Variants in BRWD1 observed in about 807,000 individuals in gnomAD.
BRWD1 encodes the protein bromodomain and WD repeat domain containing 1, also known as bromodomain and WD repeat-containing protein 1.
BRWD1 carries 82 observed loss-of-function variants against 251.2 expected under a neutral mutation model. That is an observed-to-expected ratio of 0.33 (90% CI 0.27 to 0.39). BRWD1 has a LOEUF of 0.39. Ranked by LOEUF, BRWD1 falls within the 10% of genes least tolerant of loss-of-function variation. BRWD1 has a pLI of 1.00. For synonymous variants in BRWD1, 918 were observed against 902.8 expected (o/e 1.02, Z -0.30); for missense variants, 2,233 against 2,711.6 (o/e 0.82, Z 3.92).
intron 38 of BRWD1, 131 bp from the exon 39 acceptor site, chr21:39,200,517 A>G (rs2032055970): frequency 6.6e-6 from 5 of 760,488 alleles, no homozygotes; most frequent in Non-Finnish European, 9.4e-6. Context: ...TGCTTAGAAT[A>G]TATTTTTTAA....
upstream of BRWD1, chr21:39,314,264 G>C (rs1208186775): frequency 6.6e-6 from 3 of 455,664 alleles, no homozygotes; most frequent in Non-Finnish European, 1.3e-5. Flanking sequence ...CGGAGCGTCT[G>C]CGGCGCTGAA....
intron 23 of BRWD1, chr21:39,235,652 C>A: frequency 4.6e-6 from 1 of 219,480 alleles, no homozygotes; most frequent in Non-Finnish European, 1.0e-5. Flanking sequence ...AATTCTTTCC[C>A]CAAGTCGGCT....
chr21:39,230,800 G>C (rs1231521828), intron 25 of BRWD1, among the ~76,000 whole-genome samples: 2 of 150,884 alleles, frequency 1.3e-5, no homozygotes, highest in Non-Finnish European at 2.9e-5. Context: ...TTTGCAGTGC[G>C]AGAGCTTAAA....
At position 39,264,926 on chromosome 21, in the gene BRWD1, T is replaced by C; in HGVS notation, c.1624A>G (p.Ile542Val). 6.2e-7 allele frequency: 1 copy of C among 1,613,772 alleles called. No homozygotes were observed. The highest frequency in any genetic ancestry group is 8.5e-7 in the Non-Finnish European group (1 of 1,179,928). ...GGTTTGCTGCATCCAAAACCAAATA[T>C]CAGAAGGTGCCCATGAGAATCTGTA... ...ACTDSHGHLL[I>V]FGFGCSKPYE... Residue 542 changes from isoleucine (I) to valine (V), a missense_variant, in exon 16 of 41, where the codon ATA (isoleucine) becomes GTA (valine). By Grantham distance (29) the Ile-to-Val change is conservative. Transcript: ENST00000342449.
At chr21:39,276,094 G>T in intron 12 of BRWD1, 79 bp downstream of exon 12, 1 of 1,184,760 alleles carries the variant, frequency 8.4e-7, no homozygotes, top group South Asian at 2.0e-5. Flanking sequence ...CATACAAAAT[G>T]ACAGGTTAGC....
chr21:39,262,916 T>G (rs1264802306), intron 17 of BRWD1, among the ~76,000 whole-genome samples: 1 of 151,436 alleles, frequency 6.6e-6, no homozygotes, highest in African/African-American at 2.4e-5. Context: ...AAAACATACT[T>G]GACAGCCTGG....
chr21:39,309,217 C>A (rs902188426), intron 4 of BRWD1, among the ~76,000 whole-genome samples: 8 of 151,554 alleles, frequency 5.3e-5, no homozygotes, highest in Non-Finnish European at 8.8e-5. Flanking sequence ...GTGGCTCACA[C>A]CTGTAATTCC....
At chr21:39,270,680 A>T (rs2035070140) in intron 13 of BRWD1, among the ~76,000 whole-genome samples, 1 of 152,224 alleles carries the variant, frequency 6.6e-6, no homozygotes, top group African/African-American at 2.4e-5. Context: ...GGACACCATT[A>T]CTGCTTATGA....
chr21:39,220,260 A>G (rs1165652978), intron 29 of BRWD1, among the ~76,000 whole-genome samples: 3 of 152,172 alleles, frequency 2.0e-5, no homozygotes, highest in African/African-American at 7.2e-5. Context: ...CAGGAAAAGA[A>G]CCAAATGAAA....
At position 39,270,289 on chromosome 21, in the gene BRWD1, G is replaced by A. The variant is rs2035058333; in HGVS notation, c.1389C>T (p.Asn463=). The A allele has an allele frequency of 6.3e-7, 1 of 1,584,652 alleles. No homozygotes were observed. Among genetic ancestry groups the A allele is most frequent in the Non-Finnish European group, 8.6e-7 (1 of 1,167,884 alleles). ...WNSYTGQLLH[N]LMGHADEVFV... ...TGTACCAGAAATTACCTACCATTAA[G>A]TTATGAAGCAGTTGTCCAGTGTAAG... Residue 463 remains asparagine (N), a synonymous_variant, in exon 14 of 41, where the codon AAC becomes AAT. Coordinates refer to ENST00000342449, the MANE Select transcript of BRWD1 (RefSeq NM_033656.4).
At chr21:39,302,057 C>T (rs2036136427) in intron 4 of BRWD1, among the ~76,000 whole-genome samples, 1 of 133,172 alleles carries the variant, frequency 7.5e-6, no homozygotes, top group African/African-American at 2.8e-5. Flanking sequence ...AATGCTGGAT[C>T]ACTGCAACCT....
At chr21:39,233,495 AAGAC>A (rs2033697604) in intron 23 of BRWD1, among the ~76,000 whole-genome samples, 1 of 152,226 alleles carries the variant, frequency 6.6e-6, no homozygotes, top group African/African-American at 2.4e-5. Flanking sequence ...GACAAGTATG[AAGAC>A]AGACATGTAA....
chr21:39,300,294 G>A (rs2036073907), intron 4 of BRWD1, among the ~76,000 whole-genome samples: 1 of 152,180 alleles, frequency 6.6e-6, no homozygotes, highest in Non-Finnish European at 1.5e-5. Flanking sequence ...CAACAGGGTG[G>A]AGAATGATCT....
At chr21:39,266,363 AC>A (rs1325415065) in intron 15 of BRWD1, among the ~76,000 whole-genome samples, 13 of 152,258 alleles carry the variant, frequency 8.5e-5, no homozygotes, top group African/African-American at 2.6e-4. Flanking sequence ...ACATGGTTTC[AC>A]CCACATGGTC....
Position 39,190,727 on chromosome 21 carries a change from A to AAT in BRWD1, c.*5531_*5532insAT. The AAT allele has an allele frequency of 1.0e-6, 1 of 985,430 alleles. No homozygotes were observed. Among genetic ancestry groups the AAT allele is most frequent in the Non-Finnish European group, 1.2e-6 (1 of 829,908 alleles). 61.0% of individuals were successfully genotyped at this position (985,430 alleles called of 1,614,324 possible). ...TGAAGTACCCCAATGGCTGTAGAATAAAATGGTTTCTGTAACTTGCTGTGT... is the reference window on the plus strand; with the variant it reads ...TGAAGTACCCCAATGGCTGTAGAATAATAAATGGTTTCTGTAACTTGCTGTGT... On this transcript the variant is annotated 3_prime_UTR_variant, in exon 41 of 41. Transcript: ENST00000342449.
chr21:39,216,495 A>G (rs1489479537), intron 31 of BRWD1: 3 of 155,598 alleles, frequency 1.9e-5, no homozygotes, highest in African/African-American at 7.2e-5. Flanking sequence ...TCAGCCTCCT[A>G]CTCATGTCGG....
intron 4 of BRWD1, among the ~76,000 whole-genome samples, chr21:39,307,891 T>A (rs146159859): frequency 6.6e-6 from 1 of 152,322 alleles, no homozygotes; most frequent in South Asian, 2.1e-4. Context: ...ACTATAGAGA[T>A]CTATCATTCT....
intron 4 of BRWD1, among the ~76,000 whole-genome samples, chr21:39,312,280 G>A (rs543452240): frequency 6.6e-6 from 1 of 152,336 alleles, no homozygotes; most frequent in South Asian, 2.1e-4. Context: ...AACAAATATT[G>A]TACAGTAGAA....
intron 9 of BRWD1, 21 bp downstream of exon 9, chr21:39,280,127 T>C: frequency 6.6e-7 from 1 of 1,525,060 alleles, no homozygotes; most frequent in Non-Finnish European, 8.9e-7. Flanking sequence ...CAAAACCTGT[T>C]ACATAATTAA....
Sources: gnomAD v4.1 joint callset for allele counts (sites outside exome capture counted in the v4.1 genomes callset) on GRCh38, gnomAD v4.1.1 for gene constraint, MANE v1.5 for transcripts, NCBI Gene and HGNC (gene_info 2026-07-23, HGNC 2026-07-21) for gene names.